The following LOC128462377 variants were observed in gnomAD, a reference collection of about 807,000 sequenced individuals.
At chr16:89,359,960 G>A in the LOC128462377 span, among the ~76,000 whole-genome samples, 1 of 151,910 alleles carries the variant, frequency 6.6e-6, no homozygotes, top group African/African-American at 2.4e-5. Context: ...AACACATGTC[G>A]GCAGTGGGCG....
chr16:89,398,476 T>C, the LOC128462377 span, among the ~76,000 whole-genome samples: 11 of 147,638 alleles, frequency 7.5e-5, no homozygotes, highest in Non-Finnish European at 7.4e-5. Flanking sequence ...CTCAGCACTC[T>C]GGAAGGCTGA....
the LOC128462377 span, among the ~76,000 whole-genome samples, chr16:89,357,210 C>T: frequency 1.3e-5 from 2 of 152,074 alleles, no homozygotes; most frequent in African/African-American, 2.4e-5. Context: ...GGGTTGGGGG[C>T]GGGGTGAGTC....
chr16:89,353,068 G>C, the LOC128462377 span, among the ~76,000 whole-genome samples: 1 of 152,160 alleles, frequency 6.6e-6, no homozygotes, highest in African/African-American at 2.4e-5. Flanking sequence ...GGCTGGGCGC[G>C]GTGGCTCACG....
chr16:89,368,443 G>A, the LOC128462377 span, among the ~76,000 whole-genome samples: 3 of 123,662 alleles, frequency 2.4e-5, no homozygotes, highest in African/African-American at 6.0e-5. Flanking sequence ...GGCTGGTCTC[G>A]AACTCCTGAC....
chr16:89,335,767 G>A, the LOC128462377 span, among the ~76,000 whole-genome samples: 2 of 152,222 alleles, frequency 1.3e-5, no homozygotes, highest in Admixed American at 1.3e-4. Context: ...GTGTGTGACA[G>A]TGAGAGGCCC....
the LOC128462377 span, among the ~76,000 whole-genome samples, chr16:89,373,934 A>G: frequency 6.6e-6 from 1 of 152,242 alleles, no homozygotes; most frequent in South Asian, 2.1e-4. Context: ...GGTCATCAGG[A>G]GTGACCACCA....
chr16:89,376,915 T>A, the LOC128462377 span, among the ~76,000 whole-genome samples: 2 of 152,224 alleles, frequency 1.3e-5, no homozygotes, highest in Non-Finnish European at 2.9e-5. Flanking sequence ...ACTGCCTTTA[T>A]CTATAAAGCT....
chr16:89,390,045 GAA>G, the LOC128462377 span, among the ~76,000 whole-genome samples: 1 of 80,674 alleles, frequency 1.2e-5, no homozygotes. Context: ...AGCACCGAGA[GAA>G]AGAAGATCAC....
At chr16:89,330,692 T>A in the LOC128462377 span, among the ~76,000 whole-genome samples, 3 of 106,564 alleles carry the variant, frequency 2.8e-5, no homozygotes, top group African/African-American at 1.1e-4. Flanking sequence ...CGGAGGAAGC[T>A]GCAGCATCTC....
At chr16:89,341,046 G>A in the LOC128462377 span, among the ~76,000 whole-genome samples, 3 of 152,174 alleles carry the variant, frequency 2.0e-5, no homozygotes, top group Non-Finnish European at 4.4e-5. Flanking sequence ...AATGGCTTCA[G>A]AATCCTTTAA....
chr16:89,320,016 A>T, the LOC128462377 span: 2 of 152,374 alleles, frequency 1.3e-5, no homozygotes, highest in Non-Finnish European at 2.9e-5. Flanking sequence ...GGGCCGAGGA[A>T]CCGTTACTCA....
the LOC128462377 span, among the ~76,000 whole-genome samples, chr16:89,400,995 C>T: frequency 3.9e-5 from 6 of 152,290 alleles, no homozygotes; most frequent in Admixed American, 3.9e-4. Flanking sequence ...GCACCCAAGA[C>T]CAAGATGGAA....
the LOC128462377 span, among the ~76,000 whole-genome samples, chr16:89,338,414 T>C: frequency 1.6e-5 from 2 of 122,832 alleles, no homozygotes. Flanking sequence ...GTACTTAACA[T>C]ACACTCTGTT....
At chr16:89,345,223 G>C in the LOC128462377 span, among the ~76,000 whole-genome samples, 3 of 152,064 alleles carry the variant, frequency 2.0e-5, no homozygotes, top group African/African-American at 7.2e-5. Flanking sequence ...AAAAAATGGA[G>C]CGGCAAAAAA....
At chr16:89,331,217 G>C in the LOC128462377 span, among the ~76,000 whole-genome samples, 2 of 152,236 alleles carry the variant, frequency 1.3e-5, no homozygotes, top group African/African-American at 2.4e-5. Flanking sequence ...GATTCCCAAA[G>C]TGCTAGGATT....
chr16:89,385,508 C>T, the LOC128462377 span, among the ~76,000 whole-genome samples: 648 of 152,264 alleles, frequency 4.3e-3, 2 homozygotes, highest in South Asian at 0.023. Context: ...GCGCCAGAGA[C>T]ACCGAGACCC....
chr16:89,387,636 G>A, the LOC128462377 span, among the ~76,000 whole-genome samples: 1 of 145,716 alleles, frequency 6.9e-6, no homozygotes, highest in Non-Finnish European at 1.5e-5. Context: ...CTGCACCACT[G>A]CACTCTAGCC....
chr16:89,359,523 C>T, the LOC128462377 span, among the ~76,000 whole-genome samples: 5 of 152,214 alleles, frequency 3.3e-5, no homozygotes, highest in East Asian at 9.6e-4. Flanking sequence ...ACTGTGCCTA[C>T]CTCCTTGTTC....
chr16:89,404,260 C>A, the LOC128462377 span, among the ~76,000 whole-genome samples: 1 of 152,148 alleles, frequency 6.6e-6, no homozygotes, highest in Non-Finnish European at 1.5e-5. Flanking sequence ...CTCCTATCCA[C>A]CCTCACCAAG....
Sources: allele counts gnomAD v4.1 joint callset (sites outside exome capture counted in the v4.1 genomes callset), GRCh38; gene constraint gnomAD v4.1.1; transcripts MANE v1.5.